TFDP2: variants seen among roughly 807,000 people sequenced by gnomAD.
The protein encoded by TFDP2 is transcription factor Dp-2 (E2F dimerization partner 2).
Under a neutral mutation model 59.3 loss-of-function variants are expected in TFDP2, and 17 were observed. The ratio of observed to expected loss-of-function variants is 0.29; its 90% confidence interval spans 0.20 to 0.43. The LOEUF (loss-of-function observed/expected upper bound fraction) is 0.43, where lower values mean the gene tolerates loss of function less well. Among genes scored for constraint, TFDP2 ranks in the 20% least tolerant of loss-of-function variants. The pLI, the probability that TFDP2 is intolerant of heterozygous loss-of-function variation, is 1.00. For missense variants in TFDP2, 391 were observed against 528.8 expected, an observed-to-expected ratio of 0.74 and a Z score of 2.56; for synonymous variants, 180 against 194.7, an observed-to-expected ratio of 0.92 and a Z score of 0.63.
chr3:142,063,685 AT>A (rs2059988015), intron 3 of TFDP2, among the ~76,000 whole-genome samples: 1 of 152,230 alleles, frequency 6.6e-6, no homozygotes. Flanking sequence ...AACAAAATGA[AT>A]AACTTTATTT....
chr3:141,994,761 T>A (rs1943106359), intron 5 of TFDP2: 1 of 277,134 alleles, frequency 3.6e-6, no homozygotes, highest in African/African-American at 2.2e-5. Context: ...ATTATAATAA[T>A]AAAAGTAGTC....
chr3:141,985,228 T>C (rs533583697), intron 6 of TFDP2, among the ~76,000 whole-genome samples: 100 of 152,222 alleles, frequency 6.6e-4, no homozygotes, highest in Admixed American at 1.6e-3. Context: ...TAAAAATAAA[T>C]GTCAAAAATC....
At chr3:142,045,995 T>C (rs1370828654) in intron 3 of TFDP2, among the ~76,000 whole-genome samples, 1 of 152,148 alleles carries the variant, frequency 6.6e-6, no homozygotes, top group Non-Finnish European at 1.5e-5. Flanking sequence ...TCTCACCTAT[T>C]TGGAGGATTA....
chr3:141,988,892 C>T (rs1401070155), intron 6 of TFDP2, among the ~76,000 whole-genome samples: 2 of 151,964 alleles, frequency 1.3e-5, no homozygotes, highest in African/African-American at 2.4e-5. Flanking sequence ...CGAACTGATC[C>T]GCCTGCCTCA....
At chr3:142,069,154 T>G (rs562770931) in intron 3 of TFDP2, among the ~76,000 whole-genome samples, 60 of 152,060 alleles carry the variant, frequency 3.9e-4, no homozygotes, top group Non-Finnish European at 5.9e-4. Context: ...GACCTCGTGA[T>G]CCACCCGACT....
intron 3 of TFDP2, among the ~76,000 whole-genome samples, chr3:142,081,531 G>A (rs2060638694): frequency 1.3e-5 from 2 of 152,000 alleles, no homozygotes; most frequent in South Asian, 4.1e-4. Context: ...CAATGCAAAA[G>A]ATCAATGAAA....
chr3:142,056,448 AGAG>A (rs1560095312), intron 3 of TFDP2, among the ~76,000 whole-genome samples: 1 of 151,890 alleles, frequency 6.6e-6, no homozygotes, highest in East Asian at 1.9e-4. Flanking sequence ...ACAGGTGCAC[AGAG>A]AAGACAAACT....
At chr3:142,120,223 T>C (rs1215325781) in intron 1 of TFDP2, among the ~76,000 whole-genome samples, 2 of 137,256 alleles carry the variant, frequency 1.5e-5, no homozygotes. Context: ...TTAGCTGGGC[T>C]TGGTGGTGGG....
intron 3 of TFDP2, among the ~76,000 whole-genome samples, chr3:142,081,503 A>G (rs1052609426): frequency 6.6e-6 from 1 of 152,216 alleles, no homozygotes. Flanking sequence ...GAAATAAAAC[A>G]AATTGAAACA....
intron 3 of TFDP2, among the ~76,000 whole-genome samples, chr3:142,024,877 G>A (rs1051073932): frequency 2.0e-5 from 3 of 151,968 alleles, no homozygotes; most frequent in Non-Finnish European, 2.9e-5. Context: ...AAAATTAGCC[G>A]GGTTTGGTGG....
chr3:142,088,466 G>T (rs1446638512), intron 3 of TFDP2, among the ~76,000 whole-genome samples: 2 of 151,860 alleles, frequency 1.3e-5, no homozygotes, highest in East Asian at 1.9e-4. Context: ...GAGTAGCTGG[G>T]ATTACAGGCA....
At chr3:142,093,897 C>A in intron 2 of TFDP2, 1 of 461,162 alleles carries the variant, frequency 2.2e-6, no homozygotes, top group Non-Finnish European at 4.3e-6. Context: ...TGAGATAATT[C>A]ATGTAAAGCA....
intron 10 of TFDP2, among the ~76,000 whole-genome samples, chr3:141,961,810 C>A (rs1013094064): frequency 6.6e-6 from 1 of 152,128 alleles, no homozygotes; most frequent in Admixed American, 6.6e-5. Context: ...AGGAAGTGTG[C>A]ACCTGCAGTC....
At position 141,951,002 on chromosome 3, in the gene TFDP2, T is replaced by G. The variant is rs943309059; in HGVS notation, c.*1511A>C. The G allele has an allele frequency of 2.0e-5, 3 of 152,180 alleles. No homozygotes were observed. The highest frequency in any genetic ancestry group is 7.2e-5 in the African/African-American group (3 of 41,452). The allele number at this position is 152,180 out of a possible 1,614,324, so 9.4% of individuals were successfully genotyped here. On this transcript the variant is annotated 3_prime_UTR_variant, in exon 13 of 13. Coordinates refer to ENST00000489671, the MANE Select transcript of TFDP2 (RefSeq NM_001178139.2). Reference sequence around the variant, plus strand: ...TGTTTAGCTAGCCAAAGCTTCCTCCTCCTCACCATGCTCAGTGTTAGCATG... The same window carrying G: ...TGTTTAGCTAGCCAAAGCTTCCTCCGCCTCACCATGCTCAGTGTTAGCATG...
At chr3:142,118,584 A>G (rs1459796299) in intron 1 of TFDP2, among the ~76,000 whole-genome samples, 1 of 152,226 alleles carries the variant, frequency 6.6e-6, no homozygotes, top group African/African-American at 2.4e-5. Flanking sequence ...GGAACATCAT[A>G]TAAGAAATGA....
rs1356147528 is a variant in TFDP2 at position 141,968,286 on chromosome 3, AAT to A, written c.732+1785_732+1786del. On this transcript the variant is annotated intron_variant, in intron 9 of 12. Transcript: ENST00000489671. ...TATATAATTATATATAATATATAACAATATATATAATATATAATATATATAAC... is the reference window on the plus strand; with the variant it reads ...TATATAATTATATATAATATATAACAATATATAATATATAATATATATAAC... Among the ~76,000 whole-genome samples, 14 of 129,870 alleles carry A rather than the reference AAT, an allele frequency of 1.1e-4. No homozygotes were observed. The South Asian group carries it at 2.0e-3, about 18-fold the overall frequency. The allele number at this position is 129,870 out of a possible 152,430, so 85.2% of individuals were successfully genotyped here. A position where few individuals can be genotyped will look rare whatever the true frequency, so the allele number is the denominator to read the frequency against.
chr3:141,971,631 T>TG (rs1004170419), intron 8 of TFDP2, among the ~76,000 whole-genome samples: 10 of 152,090 alleles, frequency 6.6e-5, no homozygotes, highest in Non-Finnish European at 1.2e-4. Context: ...CAAACAAAAA[T>TG]GGAGTCACTC....
chr3:141,982,380 C>T (rs926666250), intron 6 of TFDP2, among the ~76,000 whole-genome samples: 1 of 151,650 alleles, frequency 6.6e-6, no homozygotes, highest in African/African-American at 2.4e-5. Context: ...ATGCTTTTTT[C>T]TTCTTCTTTT....
intron 1 of TFDP2, among the ~76,000 whole-genome samples, chr3:142,134,093 A>T (rs1334822700): frequency 6.6e-6 from 1 of 151,828 alleles, no homozygotes; most frequent in Non-Finnish European, 1.5e-5. Context: ...AGGCAACAGC[A>T]ACTCCCTCTA....
Sources: gnomAD v4.1 joint callset for allele counts (sites outside exome capture counted in the v4.1 genomes callset) on GRCh38, gnomAD v4.1.1 for gene constraint, MANE v1.5 for transcripts, NCBI Gene and HGNC (gene_info 2026-07-23, HGNC 2026-07-21) for gene names.